DENND1A: variants seen among roughly 807,000 people sequenced by gnomAD.
DENND1A encodes the protein DENN domain containing 1A.
In DENND1A, 51 loss-of-function variants were observed where a neutral mutation model predicts 113.7. That is an observed-to-expected ratio of 0.45 (90% CI 0.36 to 0.57). DENND1A has a LOEUF of 0.57. Ranked by LOEUF, DENND1A falls within the 20% of genes least tolerant of loss-of-function variation. DENND1A has a pLI of 0.00. For synonymous variants in DENND1A, 565 were observed against 570.8 expected, an observed-to-expected ratio of 0.99 and a Z score of 0.14; for missense variants, 1,258 against 1,395.9, an observed-to-expected ratio of 0.90 and a Z score of 1.57.
chr9:123,516,884 C>CAAAAAA lies in DENND1A; in HGVS notation c.993+40680_993+40685dup, dbSNP rs546001517. Among the ~76,000 whole-genome samples, 139 of 93,294 alleles carry CAAAAAA rather than the reference C, an allele frequency of 1.5e-3. 4 individuals are homozygous for CAAAAAA. The highest frequency in any genetic ancestry group is 3.1e-3 in the African/African-American group (50 of 16,158). The allele number at this position is 93,294 out of a possible 152,430, so 61.2% of individuals were successfully genotyped here. A position where few individuals can be genotyped will look rare whatever the true frequency, so the allele number is the denominator to read the frequency against. On this transcript the variant is annotated intron_variant, in intron 13 of 23. Transcript: ENST00000394215. ...CTGGTGACAGAGTGAGACTCTGTCT[C>CAAAAAA]AAAAAAAAAAAAAAAAAAAAAAAAA...
chr9:123,685,052 T>C (rs1226482514), intron 5 of DENND1A, among the ~76,000 whole-genome samples: 1 of 152,224 alleles, frequency 6.6e-6, no homozygotes, highest in East Asian at 1.9e-4. Context: ...CTCTGTTACT[T>C]ACTGGCTGTG....
chr9:123,913,971 C>A (rs960637392), intron 1 of DENND1A, among the ~76,000 whole-genome samples: 1 of 151,448 alleles, frequency 6.6e-6, no homozygotes, highest in African/African-American at 2.4e-5. Flanking sequence ...TTCTGCACTG[C>A]AGGCAGCAGT....
intron 19 of DENND1A, among the ~76,000 whole-genome samples, chr9:123,425,958 C>A (rs2045691654): frequency 6.6e-6 from 1 of 152,238 alleles, no homozygotes; most frequent in Admixed American, 6.5e-5. Context: ...CCATGAAGAG[C>A]TGGTGAACAA....
intron 5 of DENND1A, among the ~76,000 whole-genome samples, chr9:123,749,022 G>A (rs1288541768): frequency 1.3e-5 from 2 of 152,188 alleles, no homozygotes; most frequent in African/African-American, 2.4e-5. Context: ...AAGGGAATGT[G>A]ACTCCTTGAC....
intron 5 of DENND1A, among the ~76,000 whole-genome samples, chr9:123,746,553 T>C (rs2069527376): frequency 6.6e-6 from 1 of 152,130 alleles, no homozygotes; most frequent in Non-Finnish European, 1.5e-5. Flanking sequence ...CACCGCTAAT[T>C]TGGAAATCCA....
chr9:123,390,597 T>C (rs909002219), intron 21 of DENND1A, among the ~76,000 whole-genome samples: 1 of 152,250 alleles, frequency 6.6e-6, no homozygotes, highest in African/African-American at 2.4e-5. Context: ...CATCTGTCCA[T>C]CTGTGCACCC....
At chr9:123,885,115 A>T (rs1331768207) in intron 1 of DENND1A, among the ~76,000 whole-genome samples, 1 of 151,928 alleles carries the variant, frequency 6.6e-6, no homozygotes, top group African/African-American at 2.4e-5. Context: ...GCTCCCAAGC[A>T]CCCTGTACTT....
intron 21 of DENND1A, among the ~76,000 whole-genome samples, chr9:123,395,639 C>T (rs1200951331): frequency 1.3e-5 from 2 of 152,100 alleles, no homozygotes; most frequent in African/African-American, 2.4e-5. Context: ...AGACAGCTGC[C>T]CCTACCCCCT....
rs1030377474 is a variant in DENND1A at position 123,792,437 on chromosome 9, C to T, written c.132+150G>A. On this transcript the variant is annotated intron_variant, in intron 3 of 23. Coordinates refer to ENST00000394215, the MANE Select transcript of DENND1A (RefSeq NM_001352964.2). ...CAATATTTTCAGTCCTACTTCAATA[C>T]GTTTTACTTTTTGTCTTTGGTTCCT... 1.2e-4 allele frequency: 89 copies of T among 749,154 alleles called. 1 individual carries two copies. Among genetic ancestry groups the T allele is most frequent in the African/African-American group, 6.8e-4 (38 of 56,162 alleles). 46.4% of individuals were successfully genotyped at this position (749,154 alleles called of 1,614,324 possible).
At chr9:123,647,521 AGT>A (rs2062402670) in intron 9 of DENND1A, among the ~76,000 whole-genome samples, 1 of 152,176 alleles carries the variant, frequency 6.6e-6, no homozygotes, top group African/African-American at 2.4e-5. Context: ...TTCCCAAACC[AGT>A]CTTTTCTCTC....
In DENND1A at chr9:123,429,717, T is replaced by C. The variant is rs1394770420; in HGVS notation, c.1488+10643A>G. Reference sequence around the variant, plus strand: ...AACCCAAGATGGATTAAAGACCTAATTGTATAATGCAAAACTACAAAAATC... The same window carrying C: ...AACCCAAGATGGATTAAAGACCTAACTGTATAATGCAAAACTACAAAAATC... On this transcript the variant is annotated intron_variant, in intron 19 of 23. Transcript: ENST00000394215. Among the ~76,000 whole-genome samples, 3 of 152,154 alleles carry C rather than the reference T, an allele frequency of 2.0e-5. No individual in the cohort carries two copies. The East Asian group carries it at 5.8e-4, about 29-fold the overall frequency.
At position 123,429,802 on chromosome 9, in the gene DENND1A, G is replaced by A. The variant is rs553707662; in HGVS notation, c.1488+10558C>T. On this transcript the variant is annotated intron_variant, in intron 19 of 23. Coordinates refer to ENST00000394215, the MANE Select transcript of DENND1A (RefSeq NM_001352964.2). ...TAGGTATGGGCAAAAATTTCATGAC[G>A]AAAATGCCAAAAGCAATGTGCAACA... Among the ~76,000 whole-genome samples, 18 of 152,224 alleles carry A rather than the reference G, an allele frequency of 1.2e-4. No homozygotes were observed. The South Asian group carries it at 2.9e-3, about 25-fold the overall frequency.
Position 123,658,810 on chromosome 9 carries a change from A to C in DENND1A, c.508-6687T>G, listed in dbSNP as rs541357276. 4.6e-5 allele frequency among the ~76,000 whole-genome samples: 7 copies of C among 152,290 alleles called. No homozygotes were observed. In the East Asian group the frequency reaches 9.6e-4, roughly 21 times the overall value. ...AAAATACTGATCCCTGTCCTTAGAGAAGGAGAGAGGACATTTTACCAAACG... is the reference window on the plus strand; with the variant it reads ...AAAATACTGATCCCTGTCCTTAGAGCAGGAGAGAGGACATTTTACCAAACG... On this transcript the variant is annotated intron_variant, in intron 8 of 23. Transcript: ENST00000394215.
At chr9:123,488,482 G>A (rs914552999) in intron 13 of DENND1A, among the ~76,000 whole-genome samples, 1 of 152,234 alleles carries the variant, frequency 6.6e-6, no homozygotes, top group Non-Finnish European at 1.5e-5. Flanking sequence ...AGAATTGTTT[G>A]GTCTAAATCA....
At chr9:123,886,031 G>A (rs972204128) in intron 1 of DENND1A, among the ~76,000 whole-genome samples, 1 of 152,148 alleles carries the variant, frequency 6.6e-6, no homozygotes. Flanking sequence ...GCCCGTCTCA[G>A]CCTCCCAAAG....
chr9:123,525,723 A>C (rs1160048805), intron 13 of DENND1A, among the ~76,000 whole-genome samples: 1 of 151,666 alleles, frequency 6.6e-6, no homozygotes, highest in Admixed American at 6.6e-5. Context: ...CAAAGAAAAC[A>C]ATAAACTTAG....
chr9:123,870,180 CT>C (rs1009278683), intron 2 of DENND1A, among the ~76,000 whole-genome samples: 1 of 152,040 alleles, frequency 6.6e-6, no homozygotes, highest in African/African-American at 2.4e-5. Context: ...CACATATCCC[CT>C]GATTTTCTGT....
chr9:123,722,156 T>G (rs983614047), intron 5 of DENND1A, among the ~76,000 whole-genome samples: 1 of 152,194 alleles, frequency 6.6e-6, no homozygotes, highest in Non-Finnish European at 1.5e-5. Context: ...TTGTTATGTT[T>G]TAGCAAAGAG....
chr9:123,428,449 T>C (rs2132014529), intron 19 of DENND1A, among the ~76,000 whole-genome samples: 1 of 152,342 alleles, frequency 6.6e-6, no homozygotes, highest in African/African-American at 2.4e-5. Context: ...AATATCATAC[T>C]GAATGGGCAA....
Sources: allele counts gnomAD v4.1 joint callset (sites outside exome capture counted in the v4.1 genomes callset), GRCh38; gene constraint gnomAD v4.1.1; transcripts MANE v1.5; gene names NCBI Gene and HGNC (gene_info 2026-07-23, HGNC 2026-07-21).